The following LIMS1 variants were observed in gnomAD, a reference collection of about 807,000 sequenced individuals.
The protein encoded by LIMS1 is LIM zinc finger domain containing 1.
A neutral mutation model predicts 44.1 loss-of-function variants in LIMS1; 18 were observed. That is an observed-to-expected ratio of 0.41 (90% CI 0.28 to 0.61). The LOEUF (loss-of-function observed/expected upper bound fraction) is 0.61, where lower values mean the gene tolerates loss of function less well. Ranked by LOEUF, LIMS1 falls within the 20% of genes least tolerant of loss-of-function variation. The pLI is 0.32. For missense variants in LIMS1, 201 were observed against 422.0 expected (o/e 0.48, Z 4.59); for synonymous variants, 93 against 149.1 (o/e 0.62, Z 2.74).
chr2:108,551,798 G>A (rs1327057058), intron 1 of LIMS1, among the ~76,000 whole-genome samples: 1 of 142,798 alleles, frequency 7.0e-6, no homozygotes, highest in Non-Finnish European at 1.5e-5. Context: ...AGATATATCT[G>A]TATATATGTA....
chr2:108,621,114 ACCGCTTCCCCCCT>A (rs1688209734), intron 1 of LIMS1: 1 of 499,486 alleles, frequency 2.0e-6, no homozygotes, highest in Non-Finnish European at 3.4e-6. Context: ...CTTCTTGGTC[ACCGCTTCCCCCCT>A]CCCCAAGGTG....
chr2:108,663,042 T>A (rs1691484083), intron 2 of LIMS1, among the ~76,000 whole-genome samples: 1 of 152,256 alleles, frequency 6.6e-6, no homozygotes, highest in Non-Finnish European at 1.5e-5. Context: ...CCTTGTTTCC[T>A]AACCACTTAC....
intron 1 of LIMS1, among the ~76,000 whole-genome samples, chr2:108,617,528 C>A (rs1274361237): frequency 6.6e-6 from 1 of 152,178 alleles, no homozygotes; most frequent in Non-Finnish European, 1.5e-5. Flanking sequence ...CTGGAGATTT[C>A]TTCTCAAACA....
intron 1 of LIMS1, among the ~76,000 whole-genome samples, chr2:108,624,309 A>G (rs1465096199): frequency 6.6e-6 from 1 of 152,366 alleles, no homozygotes; most frequent in East Asian, 1.9e-4. Flanking sequence ...TTTTTTGACA[A>G]TACCTGAATG....
At chr2:108,638,620 G>A (rs906893394) in intron 1 of LIMS1, among the ~76,000 whole-genome samples, 1 of 152,054 alleles carries the variant, frequency 6.6e-6, no homozygotes, top group Non-Finnish European at 1.5e-5. Context: ...GGTAGCACAT[G>A]CCTGTAATTC....
At chr2:108,583,207 A>AT (rs59274385) in intron 1 of LIMS1, among the ~76,000 whole-genome samples, 66 of 139,760 alleles carry the variant, frequency 4.7e-4, no homozygotes, top group Middle Eastern at 3.8e-3. Flanking sequence ...TAATGTTTGT[A>AT]TTTTTTTTTT....
chr2:108,612,634 A>G (rs1687716703), intron 1 of LIMS1, among the ~76,000 whole-genome samples: 1 of 152,186 alleles, frequency 6.6e-6, no homozygotes. Flanking sequence ...CCAAACCTGC[A>G]GGAGAAAACC....
chr2:108,676,462 A>G, intron 6 of LIMS1, 144 bp from the exon 7 acceptor site: 1 of 1,058,002 alleles, frequency 9.5e-7, no homozygotes, highest in Non-Finnish European at 1.4e-6. Flanking sequence ...CAGAAGTATT[A>G]TATTATGGGG....
intron 1 of LIMS1, among the ~76,000 whole-genome samples, chr2:108,582,792 A>T (rs1685936465): frequency 6.6e-6 from 1 of 152,166 alleles, no homozygotes; most frequent in Non-Finnish European, 1.5e-5. Flanking sequence ...AATAAAAAAG[A>T]TACCATCATG....
chr2:108,570,875 G>A (rs114325131), intron 1 of LIMS1, among the ~76,000 whole-genome samples: 1,743 of 152,286 alleles, frequency 0.011, 25 homozygotes, highest in African/African-American at 0.039. Flanking sequence ...AGTGTTAGCC[G>A]TCAGCTAGCT....
At chr2:108,535,281 G>A (rs1227452918) in intron 1 of LIMS1, among the ~76,000 whole-genome samples, 1 of 152,216 alleles carries the variant, frequency 6.6e-6, no homozygotes. Flanking sequence ...TGTCTTAATA[G>A]CTGTTTCAGA....
intron 1 of LIMS1, among the ~76,000 whole-genome samples, chr2:108,569,826 C>T (rs138390001): frequency 2.2e-5 from 3 of 137,762 alleles, no homozygotes; most frequent in African/African-American, 7.9e-5. Flanking sequence ...ATCTTGAACT[C>T]CTGGCCTCAG....
intron 1 of LIMS1, among the ~76,000 whole-genome samples, chr2:108,555,209 G>C (rs1195299613): frequency 2.0e-5 from 3 of 152,090 alleles, no homozygotes; most frequent in Non-Finnish European, 2.9e-5. Flanking sequence ...TTTTTTGAGG[G>C]GGGAGGGGGA....
At chr2:108,639,252 T>C (rs1689498589) in intron 1 of LIMS1, among the ~76,000 whole-genome samples, 1 of 152,148 alleles carries the variant, frequency 6.6e-6, no homozygotes, top group African/African-American at 2.4e-5. Flanking sequence ...GAGCAGGTAC[T>C]TGAGGACTGG....
At chr2:108,659,694 A>G (rs1013764045) in exon 2 of LIMS1, 2 of 1,612,326 alleles carry the variant, frequency 1.2e-6, no homozygotes, top group African/African-American at 2.7e-5. Flanking sequence ...AGTAATGGGG[A>G]GCTGTACCAT....
At chr2:108,656,556 A>G (rs1373053804) in intron 1 of LIMS1, among the ~76,000 whole-genome samples, 2 of 151,928 alleles carry the variant, frequency 1.3e-5, no homozygotes, top group African/African-American at 4.8e-5. Flanking sequence ...CAGAGGGTCA[A>G]AGGCAAAAGA....
At chr2:108,551,341 T>C (rs1012313454) in intron 1 of LIMS1, among the ~76,000 whole-genome samples, 9 of 147,190 alleles carry the variant, frequency 6.1e-5, no homozygotes, top group Admixed American at 4.8e-4. Flanking sequence ...ATTTATAATA[T>C]AAATATATAA....
chr2:108,559,944 G>T (rs2718743), intron 1 of LIMS1, among the ~76,000 whole-genome samples: 25,919 of 148,078 alleles, frequency 0.18, 2,619 homozygotes, highest in African/African-American at 0.28. Flanking sequence ...GAGCCCACCC[G>T]CCAGCCCCAC....
chr2:108,563,873 A>G (rs930419500), intron 1 of LIMS1, among the ~76,000 whole-genome samples: 5 of 151,998 alleles, frequency 3.3e-5, no homozygotes, highest in African/African-American at 4.8e-5. Flanking sequence ...TGCCTGGGCA[A>G]TACAGCGAGA....
Sources: gnomAD v4.1 joint callset for allele counts (sites outside exome capture counted in the v4.1 genomes callset) on GRCh38, gnomAD v4.1.1 for gene constraint, MANE v1.5 for transcripts, NCBI Gene and HGNC (gene_info 2026-07-23, HGNC 2026-07-21) for gene names.